NEDD4L: variants seen among roughly 807,000 people sequenced by gnomAD.
The protein encoded by NEDD4L is NEDD4 like E3 ubiquitin protein ligase, also known as E3 ubiquitin-protein ligase NEDD4-like.
In NEDD4L, 54 loss-of-function variants were observed where a neutral mutation model predicts 148.9. The observed-to-expected ratio is 0.36, with a 90% CI of 0.29 to 0.45. The LOEUF (loss-of-function observed/expected upper bound fraction) is 0.45, where lower values mean the gene tolerates loss of function less well. NEDD4L is among the 20% of genes least tolerant of loss of function. The pLI, the probability that NEDD4L is intolerant of heterozygous loss-of-function variation, is 1.00. For missense variants in NEDD4L, 856 were observed against 1,233.8 expected (o/e 0.69, Z 4.59); for synonymous variants, 433 against 440.7 (o/e 0.98, Z 0.22).
At chr18:58,218,220 G>A (rs1272184371) in intron 2 of NEDD4L, among the ~76,000 whole-genome samples, 5 of 152,044 alleles carry the variant, frequency 3.3e-5, no homozygotes, top group Non-Finnish European at 5.9e-5. Flanking sequence ...CTGATCCATT[G>A]TGACCCTTTG....
intron 5 of NEDD4L, among the ~76,000 whole-genome samples, chr18:58,306,600 G>C (rs2057089710): frequency 6.6e-6 from 1 of 151,638 alleles, no homozygotes; most frequent in Non-Finnish European, 1.5e-5. Flanking sequence ...CTACCTACTA[G>C]CTCTATGACT....
rs573013489 is a variant in NEDD4L at position 58,089,764 on chromosome 18, G to A, written c.48+45056G>A. 2.0e-5 allele frequency among the ~76,000 whole-genome samples: 3 copies of A among 152,138 alleles called. No homozygotes were observed. The East Asian group carries it at 5.8e-4, about 29-fold the overall frequency. ...AGGCGTCATGAGGGTTGGTTTCTCT[G>A]AGGCTCCCAGACAGTCATCTTCTCC... is the stretch of plus-strand genomic sequence containing the variant. On this transcript the variant is annotated intron_variant, in intron 1 of 30. Coordinates refer to ENST00000400345, the MANE Select transcript of NEDD4L (RefSeq NM_001144967.3).
intron 5 of NEDD4L, among the ~76,000 whole-genome samples, chr18:58,280,782 A>T (rs2052938300): frequency 2.6e-5 from 4 of 152,286 alleles, no homozygotes; most frequent in Admixed American, 2.6e-4. Context: ...ACTGTAGAAA[A>T]ATTAAGAAAG....
At chr18:58,118,735 C>T (rs1598911343) in intron 1 of NEDD4L, among the ~76,000 whole-genome samples, 1 of 152,114 alleles carries the variant, frequency 6.6e-6, no homozygotes, top group Non-Finnish European at 1.5e-5. Context: ...AAGAGAAGCC[C>T]ATCTGATTTC....
chr18:58,200,975 G>T (rs1026074198), intron 2 of NEDD4L, among the ~76,000 whole-genome samples: 1 of 152,148 alleles, frequency 6.6e-6, no homozygotes, highest in African/African-American at 2.4e-5. Context: ...GTGGACTAAG[G>T]TTGTCTTTGT....
intron 1 of NEDD4L, among the ~76,000 whole-genome samples, chr18:58,141,602 A>G (rs2033514022): frequency 6.6e-6 from 1 of 152,170 alleles, no homozygotes; most frequent in African/African-American, 2.4e-5. Flanking sequence ...ATTGTGTACA[A>G]ACAATCAGGA....
intron 1 of NEDD4L, among the ~76,000 whole-genome samples, chr18:58,054,477 G>A (rs984179034): frequency 1.3e-5 from 2 of 152,154 alleles, no homozygotes; most frequent in Non-Finnish European, 2.9e-5. Flanking sequence ...CCATGCCTGT[G>A]GTCCCAGCTA....
chr18:58,306,014 G>A (rs1246323029), intron 5 of NEDD4L, among the ~76,000 whole-genome samples: 2 of 152,204 alleles, frequency 1.3e-5, no homozygotes, highest in Non-Finnish European at 2.9e-5. Flanking sequence ...GGACCATGGT[G>A]TATGATTCAA....
chr18:58,390,934 A>C (rs2049741990), intron 29 of NEDD4L, among the ~76,000 whole-genome samples, 192 bp downstream of exon 29: 1 of 151,852 alleles, frequency 6.6e-6, no homozygotes, highest in Non-Finnish European at 1.5e-5. Context: ...TGGTGCTTCT[A>C]CTTCGAGGGA....
At chr18:58,352,220 A>T (rs187562033) in intron 18 of NEDD4L, among the ~76,000 whole-genome samples, 1 of 152,356 alleles carries the variant, frequency 6.6e-6, no homozygotes, top group East Asian at 1.9e-4. Context: ...CCAGAATTTC[A>T]TAGTAAGCAT....
intron 5 of NEDD4L, among the ~76,000 whole-genome samples, chr18:58,314,854 T>C (rs17064757): frequency 0.17 from 26,532 of 152,198 alleles, 2,509 homozygotes; most frequent in Non-Finnish European, 0.19. Flanking sequence ...ATTCCTACGC[T>C]TGGAGCAAGT....
At chr18:58,173,037 T>C (rs1310503544) in intron 2 of NEDD4L, among the ~76,000 whole-genome samples, 3 of 152,228 alleles carry the variant, frequency 2.0e-5, no homozygotes, top group Non-Finnish European at 4.4e-5. Flanking sequence ...AGATTTAGAA[T>C]AGGTATATTT....
intron 2 of NEDD4L, among the ~76,000 whole-genome samples, chr18:58,166,164 G>A (rs79324992): frequency 0.01 from 1,537 of 152,292 alleles, 27 homozygotes; most frequent in African/African-American, 0.035. Flanking sequence ...TGGGACTATG[G>A]CTCTGCTTAT....
At chr18:58,234,958 G>A (rs559586097) in intron 2 of NEDD4L, among the ~76,000 whole-genome samples, 6 of 152,020 alleles carry the variant, frequency 3.9e-5, no homozygotes, top group African/African-American at 4.8e-5. Context: ...CGACAATTTC[G>A]CCTGTGAGAA....
intron 2 of NEDD4L, among the ~76,000 whole-genome samples, chr18:58,203,882 T>G (rs1450656583): frequency 6.6e-6 from 1 of 152,190 alleles, no homozygotes; most frequent in Non-Finnish European, 1.5e-5. Flanking sequence ...GAGAAAGTTT[T>G]TCAGTCTGAA....
chr18:58,099,756 C>T (rs564949405), intron 1 of NEDD4L, among the ~76,000 whole-genome samples: 10 of 152,246 alleles, frequency 6.6e-5, no homozygotes, highest in East Asian at 1.9e-4. Flanking sequence ...GGGTGTAAGA[C>T]GGCCCTTTGT....
At chr18:58,305,443 GGATTCC>G (rs1321752232) in intron 5 of NEDD4L, among the ~76,000 whole-genome samples, 1 of 152,152 alleles carries the variant, frequency 6.6e-6, no homozygotes, top group Non-Finnish European at 1.5e-5. Flanking sequence ...AACTTTGCAG[GGATTCC>G]AGTGTCTAAG....
intron 2 of NEDD4L, among the ~76,000 whole-genome samples, chr18:58,178,597 A>G (rs117890285): frequency 0.017 from 2,560 of 152,346 alleles, 49 homozygotes; most frequent in South Asian, 0.041. Flanking sequence ...AGTAATGTTT[A>G]ATAAGGAATC....
In NEDD4L at chr18:58,044,712, A is replaced by G. The variant is rs1451532767; in HGVS notation, c.48+4A>G. 4 of 1,605,394 alleles carry G rather than the reference A, an allele frequency of 2.5e-6. No homozygotes were observed. ...CTATGGACTTTCCGAAGACGAGGTGAGTGGCACCCCCTTCCTGCTCGGGAC... is the reference window on the plus strand; with the variant it reads ...CTATGGACTTTCCGAAGACGAGGTGGGTGGCACCCCCTTCCTGCTCGGGAC... On this transcript the variant is annotated splice_donor_region_variant and intron_variant, in intron 1 of 30. Coordinates refer to ENST00000400345, the MANE Select transcript of NEDD4L (RefSeq NM_001144967.3).
Sources: allele counts gnomAD v4.1 joint callset (sites outside exome capture counted in the v4.1 genomes callset), GRCh38; gene constraint gnomAD v4.1.1; transcripts MANE v1.5; gene names NCBI Gene and HGNC (gene_info 2026-07-23, HGNC 2026-07-21).